ROBO2: variants seen among roughly 807,000 people sequenced by gnomAD.
ROBO2 encodes roundabout homolog 2.
ROBO2 carries 53 observed loss-of-function variants against 160.8 expected under a neutral mutation model. The ratio of observed to expected loss-of-function variants is 0.33; its 90% CI spans 0.26 to 0.41. The LOEUF (loss-of-function observed/expected upper bound fraction) is 0.41, where lower values mean the gene tolerates loss of function less well. ROBO2 is among the 10% of genes least tolerant of loss of function. ROBO2 has a pLI of 1.00. For missense variants in ROBO2, 1,577 were observed against 1,722.4 expected (o/e 0.92, Z 1.49); for synonymous variants, 664 against 611.7 (o/e 1.09, Z -1.26).
At chr3:76,764,409 T>C (rs535530202) in intron 2 of ROBO2, among the ~76,000 whole-genome samples, 1 of 151,866 alleles carries the variant, frequency 6.6e-6, no homozygotes, top group Non-Finnish European at 1.5e-5. Flanking sequence ...AATCATACTG[T>C]ATTTATTGTT....
intron 2 of ROBO2, among the ~76,000 whole-genome samples, chr3:76,800,458 T>A (rs1279909727): frequency 1.3e-5 from 2 of 152,140 alleles, no homozygotes; most frequent in African/African-American, 4.8e-5. Context: ...AGAAAATATT[T>A]GGAAACTATC....
At chr3:76,823,356 G>T (rs992818569) in intron 2 of ROBO2, among the ~76,000 whole-genome samples, 2 of 152,022 alleles carry the variant, frequency 1.3e-5, no homozygotes, top group Non-Finnish European at 2.9e-5. Flanking sequence ...TATTTTCTTT[G>T]TTTAGAGAAC....
intron 2 of ROBO2, among the ~76,000 whole-genome samples, chr3:76,530,050 C>T (rs1361972036): frequency 2.0e-5 from 3 of 152,088 alleles, no homozygotes; most frequent in Non-Finnish European, 2.9e-5. Flanking sequence ...TCTAGATTTC[C>T]CACATGCCAC....
chr3:76,994,997 C>T (rs1189040501), intron 2 of ROBO2, among the ~76,000 whole-genome samples: 3 of 151,676 alleles, frequency 2.0e-5, no homozygotes, highest in Admixed American at 1.3e-4. Context: ...ATGTGCACAA[C>T]GTGCAGGTTT....
At chr3:76,065,928 A>C (rs1200184845) in intron 2 of ROBO2, among the ~76,000 whole-genome samples, 10 of 151,388 alleles carry the variant, frequency 6.6e-5, no homozygotes, top group Admixed American at 6.6e-4. Context: ...ATCTTTCTCT[A>C]CTCCTGTATT....
At chr3:77,061,757 G>A (rs1041796388) in intron 1 of ROBO2, among the ~76,000 whole-genome samples, 2 of 152,146 alleles carry the variant, frequency 1.3e-5, no homozygotes, top group Admixed American at 6.5e-5. Context: ...CCTTGGTCCT[G>A]TCAACATGTC....
rs568969024 is a variant in ROBO2, at chr3:76,142,364, C to T, written c.109+204762C>T. Among the ~76,000 whole-genome samples the T allele has an allele frequency of 3.3e-5, 5 of 152,148 alleles. No individual in the cohort carries two copies. The South Asian group carries it at 6.2e-4, about 19-fold the overall frequency. On this transcript the variant is annotated intron_variant, in intron 2 of 26. Transcript: ENST00000487694. ...TCAGTTTATGGAAGAGATATCTGCA[C>T]TCCTACGTTTGTTGCAGCACTGTTT...
chr3:76,645,549 A>G (rs1578840583), intron 2 of ROBO2, among the ~76,000 whole-genome samples: 1 of 152,154 alleles, frequency 6.6e-6, no homozygotes, highest in East Asian at 1.9e-4. Context: ...GTTATAAGGA[A>G]AGTAATATAG....
chr3:77,578,783 T>G lies in ROBO2; in HGVS notation c.2329-1164T>G, dbSNP rs1484167757. ...ATTATCTACTCTGTGTGAGTTTGAG[T>G]GTGTGTGTGTGTTTTAATGAGGTTA... On this transcript the variant is annotated intron_variant, in intron 15 of 25. Coordinates refer to ENST00000461745, the Ensembl canonical transcript of ROBO2. Among the ~76,000 whole-genome samples the G allele has an allele frequency of 2.6e-5, 4 of 151,924 alleles. No homozygotes were observed. In the East Asian group the frequency reaches 5.8e-4, roughly 22 times the overall value.
At chr3:76,877,693 G>A (rs1169129896) in intron 2 of ROBO2, among the ~76,000 whole-genome samples, 1 of 152,170 alleles carries the variant, frequency 6.6e-6, no homozygotes, top group African/African-American at 2.4e-5. Flanking sequence ...AGCTGCCATA[G>A]CAAATTACCA....
chr3:76,101,104 G>A (rs899536229), intron 2 of ROBO2, among the ~76,000 whole-genome samples: 1 of 152,098 alleles, frequency 6.6e-6, no homozygotes, highest in Non-Finnish European at 1.5e-5. Context: ...ACGTGTAACA[G>A]GGAAACAGGT....
intron 2 of ROBO2, among the ~76,000 whole-genome samples, chr3:76,793,692 G>A (rs142251734): frequency 0.013 from 2,048 of 151,720 alleles, 51 homozygotes; most frequent in African/African-American, 0.046. Flanking sequence ...GTGGTGTACT[G>A]CACCCATTAA....
At chr3:76,436,317 G>C (rs1171085475) in intron 2 of ROBO2, among the ~76,000 whole-genome samples, 2 of 152,138 alleles carry the variant, frequency 1.3e-5, no homozygotes, top group East Asian at 3.9e-4. Context: ...ACCATTTCAA[G>C]GAGTCTGGCA....
At chr3:76,212,226 T>A (rs1418796767) in intron 2 of ROBO2, among the ~76,000 whole-genome samples, 1 of 152,076 alleles carries the variant, frequency 6.6e-6, no homozygotes, top group African/African-American at 2.4e-5. Flanking sequence ...CTGTGTTTAG[T>A]ATTTTACTAC....
At chr3:77,618,144 C>T (rs2094822706) in intron 22 of ROBO2, 1 of 285,202 alleles carries the variant, frequency 3.5e-6, no homozygotes. Flanking sequence ...ACTCACATCC[C>T]ATGATGTAAT....
At chr3:75,979,251 CTGG>C (rs1322047259) in intron 2 of ROBO2, among the ~76,000 whole-genome samples, 1 of 151,464 alleles carries the variant, frequency 6.6e-6, no homozygotes, top group African/African-American at 2.4e-5. Flanking sequence ...ATATGTGGGA[CTGG>C]TGAGGGATAA....
chr3:76,335,734 G>A (rs1235198977), intron 2 of ROBO2, among the ~76,000 whole-genome samples: 6 of 151,720 alleles, frequency 4.0e-5, no homozygotes, highest in African/African-American at 1.2e-4. Context: ...CCGCCACCAC[G>A]CCCAGCTAAT....
chr3:76,748,595 T>G (rs2093930488), intron 2 of ROBO2, among the ~76,000 whole-genome samples: 1 of 151,626 alleles, frequency 6.6e-6, no homozygotes, highest in South Asian at 2.1e-4. Flanking sequence ...TAATTATTAA[T>G]ATGGAAGTAA....
rs758416465 is a variant in ROBO2 at position 77,481,221 on chromosome 3, TA to T, written c.667+6del. On this transcript the variant is annotated splice_donor_region_variant and intron_variant, in intron 4 of 25. Transcript: ENST00000461745. ...ACCCAGCAGAGCTGACTGTCTTTGG[TA>T]AAACTTTCTTCTAAATTATAAATTT... 1 of 1,525,090 alleles carries T rather than the reference TA, an allele frequency of 6.6e-7. No individual in the cohort carries two copies. The highest frequency in any genetic ancestry group is 1.4e-5 in the South Asian group (1 of 72,874). The allele number at this position is 1,525,090 out of a possible 1,614,324, so 94.5% of individuals were successfully genotyped here.
Sources: gnomAD v4.1 joint callset for allele counts (sites outside exome capture counted in the v4.1 genomes callset) on GRCh38, gnomAD v4.1.1 for gene constraint, MANE v1.5 for transcripts, NCBI Gene and HGNC (gene_info 2026-07-23, HGNC 2026-07-21) for gene names.